PALM2AKAP2: variants seen among roughly 807,000 people sequenced by gnomAD.
PALM2AKAP2 encodes the protein PALM2 and AKAP2 fusion, also known as PALM2-AKAP2 fusion protein.
Under a neutral mutation model 71.5 loss-of-function variants are expected in PALM2AKAP2, and 37 were observed. That is an observed-to-expected ratio of 0.52 (90% CI 0.40 to 0.68). PALM2AKAP2 has a LOEUF of 0.68. PALM2AKAP2 is among the 30% of genes least tolerant of loss of function. The pLI is 0.00. For synonymous variants in PALM2AKAP2, 468 were observed against 478.8 expected (o/e 0.98, Z 0.29); for missense variants, 1,224 against 1,191.8 (o/e 1.03, Z -0.40).
In PALM2AKAP2 at chr9:110,068,366, G is replaced by A. The variant is rs1415487585; in HGVS notation, c.156+19511G>A. Among the ~76,000 whole-genome samples, 7 of 149,584 alleles carry A rather than the reference G, an allele frequency of 4.7e-5. 1 individual carries two copies. The highest frequency in any genetic ancestry group is 1.8e-4 in the African/African-American group (7 of 39,180). The stretch of plus-strand genomic sequence containing the variant: ...AGGGGTATGGGTGGTGGTAGTTGCT[G>A]AGGGGAATGACAATGGATTTGGTAA... On this transcript the variant is annotated intron_variant, in intron 1 of 3. Coordinates refer to ENST00000374525, the Ensembl canonical transcript of PALM2AKAP2.
rs146820055 is a variant in PALM2AKAP2, at chr9:110,058,163, G to T, written c.156+9308G>T. ...AATTCACATCCTGTAGATATGTTTC[G>T]TAGCCTCAGATGTATGCAAATCTCT... On this transcript the variant is annotated intron_variant, in intron 1 of 3. Transcript: ENST00000374525. Among the ~76,000 whole-genome samples, 12 of 152,286 alleles carry T rather than the reference G, an allele frequency of 7.9e-5. No individual in the cohort carries two copies. In the East Asian group the frequency reaches 2.1e-3, roughly 27 times the overall value.
At chr9:109,714,732 T>C (rs10980011) in intron 1 of PALM2AKAP2, among the ~76,000 whole-genome samples, 62,339 of 151,950 alleles carry the variant, frequency 0.41, 12,932 homozygotes, top group South Asian at 0.51. Flanking sequence ...CCTCACCCAG[T>C]GGCTGGCACT....
exon 2 of PALM2AKAP2, chr9:110,138,536 C>A: frequency 6.3e-7 from 1 of 1,594,406 alleles, no homozygotes; most frequent in South Asian, 1.1e-5. Context: ...CAAAACTGCT[C>A]CAGGTAAGTG....
chr9:110,016,778 A>G (rs1436061886), intron 7 of PALM2AKAP2, among the ~76,000 whole-genome samples: 1 of 152,260 alleles, frequency 6.6e-6, no homozygotes, highest in Non-Finnish European at 1.5e-5. Context: ...AGGGCTTTCT[A>G]ACATTCTTGC....
chr9:109,856,661 TA>T (rs1032085232), intron 1 of PALM2AKAP2, among the ~76,000 whole-genome samples: 1 of 152,234 alleles, frequency 6.6e-6, no homozygotes, highest in Non-Finnish European at 1.5e-5. Context: ...TTATGTTTTG[TA>T]ATGCTTACTC....
intron 7 of PALM2AKAP2, among the ~76,000 whole-genome samples, chr9:110,040,768 T>G (rs1476862957): frequency 6.6e-6 from 1 of 152,160 alleles, no homozygotes; most frequent in Non-Finnish European, 1.5e-5. Flanking sequence ...AAAACACAGG[T>G]CCCTAATGAG....
chr9:109,843,140 CAAAA>C lies in PALM2AKAP2; in HGVS notation c.46-24334_46-24331del. 4.8e-5 allele frequency among the ~76,000 whole-genome samples: 3 copies of C among 62,826 alleles called. No homozygotes were observed. The South Asian group carries it at 2.4e-3, about 50-fold the overall frequency. 41.2% of individuals were successfully genotyped at this position (62,826 alleles called of 152,430 possible). ...GGGCAACAGGAATGAAACTCGGTCT[CAAAA>C]AAAAAAAAAAAAAAAATCGAACAAT... On this transcript the variant is annotated intron_variant, in intron 1 of 9. Coordinates refer to the PALM2AKAP2 transcript ENST00000302798.
chr9:109,865,925 C>G (rs969633646), intron 1 of PALM2AKAP2, among the ~76,000 whole-genome samples: 3 of 152,198 alleles, frequency 2.0e-5, no homozygotes, highest in Non-Finnish European at 2.9e-5. Context: ...TCACTTTTCC[C>G]ATCCACTGTC....
At chr9:110,161,355 T>A (rs1467975366) in intron 3 of PALM2AKAP2, among the ~76,000 whole-genome samples, 1 of 152,230 alleles carries the variant, frequency 6.6e-6, no homozygotes, top group Non-Finnish European at 1.5e-5. Flanking sequence ...TGGAGAGGGA[T>A]GTCCCAAATT....
chr9:109,746,332 C>G (rs992494208), intron 1 of PALM2AKAP2, among the ~76,000 whole-genome samples: 1 of 152,136 alleles, frequency 6.6e-6, no homozygotes, highest in Admixed American at 6.6e-5. Flanking sequence ...AAAAGCTAGC[C>G]AGATAACTCC....
intron 1 of PALM2AKAP2, among the ~76,000 whole-genome samples, chr9:109,836,484 A>G (rs1313301846): frequency 1.3e-5 from 2 of 152,248 alleles, no homozygotes; most frequent in Non-Finnish European, 2.9e-5. Flanking sequence ...CTCCTCCACC[A>G]AAGGAATGCA....
upstream of PALM2AKAP2, among the ~76,000 whole-genome samples, chr9:109,777,259 C>T (rs1049988314): frequency 2.0e-5 from 3 of 152,206 alleles, no homozygotes; most frequent in African/African-American, 7.2e-5. Flanking sequence ...TCCTCCTTCC[C>T]TACTTCGTTA....
intron 1 of PALM2AKAP2, among the ~76,000 whole-genome samples, chr9:109,656,636 T>C (rs988157343): frequency 6.6e-6 from 1 of 152,026 alleles, no homozygotes; most frequent in African/African-American, 2.4e-5. Context: ...TTTAACAAGA[T>C]GGTTATGGTT....
At chr9:110,044,111 T>C (rs945910600), upstream of PALM2AKAP2, among the ~76,000 whole-genome samples, 25 of 150,780 alleles carry the variant, frequency 1.7e-4, no homozygotes, top group African/African-American at 6.2e-4. Flanking sequence ...TAGTAACTCA[T>C]TGTCATATAT....
At chr9:109,723,024 G>A (rs1347651547) in intron 1 of PALM2AKAP2, among the ~76,000 whole-genome samples, 2 of 152,048 alleles carry the variant, frequency 1.3e-5, no homozygotes, top group Admixed American at 1.3e-4. Context: ...TGGAAACTCC[G>A]CAAAAAGCAC....
At chr9:109,944,507 C>A (rs1291545350) in intron 6 of PALM2AKAP2, 1 of 152,006 alleles carries the variant, frequency 6.6e-6, no homozygotes, top group Non-Finnish European at 1.5e-5. Context: ...TTCTTTCTGG[C>A]CCCATGAGAA....
intron 6 of PALM2AKAP2, among the ~76,000 whole-genome samples, chr9:110,009,555 A>T (rs556538853): frequency 6.6e-6 from 1 of 151,988 alleles, no homozygotes; most frequent in Non-Finnish European, 1.5e-5. Context: ...TCAACTAAAA[A>T]TACAAAAAAT....
At chr9:109,670,265 C>T (rs1051793102) in intron 1 of PALM2AKAP2, among the ~76,000 whole-genome samples, 1 of 152,128 alleles carries the variant, frequency 6.6e-6, no homozygotes, top group African/African-American at 2.4e-5. Context: ...CCTCTCCCTC[C>T]TCTTACCCTC....
intron 1 of PALM2AKAP2, among the ~76,000 whole-genome samples, chr9:109,843,324 A>AG (rs1491452010): frequency 1.5e-4 from 22 of 145,700 alleles, no homozygotes; most frequent in African/African-American, 5.2e-4. Context: ...AAAAAAAAAA[A>AG]GAAGAAGACT....
Sources: allele counts gnomAD v4.1 joint callset (sites outside exome capture counted in the v4.1 genomes callset), GRCh38; gene constraint gnomAD v4.1.1; transcripts MANE v1.5; gene names NCBI Gene and HGNC (gene_info 2026-07-23, HGNC 2026-07-21).